Variants in CCDC91 observed in about 807,000 individuals in gnomAD.
CCDC91 encodes coiled-coil domain containing 91, also known as coiled-coil domain-containing protein 91.
CCDC91 carries 48 observed loss-of-function variants against 63.2 expected under a neutral mutation model. The observed-to-expected ratio is 0.76, with a 90% CI of 0.60 to 0.97. CCDC91 has a LOEUF of 0.97. CCDC91 is among the 50% of genes least tolerant of loss of function. The probability of loss-of-function intolerance (pLI) is 0.00; values close to 1 mark genes in which losing one functional copy is unlikely to be tolerated. For missense variants in CCDC91, 500 were observed against 494.6 expected, an observed-to-expected ratio of 1.01 and a Z score of -0.10; for synonymous variants, 167 against 165.8, an observed-to-expected ratio of 1.01 and a Z score of -0.06.
chr12:28,322,291 A>G (rs543952957), intron 6 of CCDC91, among the ~76,000 whole-genome samples: 3 of 151,990 alleles, frequency 2.0e-5, no homozygotes, highest in African/African-American at 7.2e-5. Flanking sequence ...ATCTGAAGAA[A>G]AGCACCCTTC....
At chr12:28,288,144 C>T (rs530513634) in intron 3 of CCDC91, among the ~76,000 whole-genome samples, 51 of 152,190 alleles carry the variant, frequency 3.4e-4, no homozygotes, top group Non-Finnish European at 6.9e-4. Context: ...ATGTTGTCTG[C>T]AAGCAGGAAT....
intron 1 of CCDC91, among the ~76,000 whole-genome samples, chr12:28,232,761 A>G (rs1483643090): frequency 2.0e-5 from 3 of 152,090 alleles, no homozygotes; most frequent in Non-Finnish European, 4.4e-5. Context: ...TCTGTTACCA[A>G]CTAGCAATTT....
chr12:28,193,532 C>T (rs1383844953), intron 1 of CCDC91, among the ~76,000 whole-genome samples: 2 of 151,396 alleles, frequency 1.3e-5, no homozygotes, highest in South Asian at 2.1e-4. Flanking sequence ...ACCAGGGAGT[C>T]GGAGGTTACA....
At chr12:28,536,654 A>T (rs1942202902) in intron 12 of CCDC91, among the ~76,000 whole-genome samples, 1 of 152,190 alleles carries the variant, frequency 6.6e-6, no homozygotes, top group Non-Finnish European at 1.5e-5. Context: ...TGAGAAATAA[A>T]TGAGTTAGCA....
chr12:28,453,718 T>C (rs1173211389), intron 11 of CCDC91, among the ~76,000 whole-genome samples: 1 of 152,036 alleles, frequency 6.6e-6, no homozygotes, highest in African/African-American at 2.4e-5. Context: ...TAAATATATA[T>C]TGAGTACCTA....
intron 3 of CCDC91, among the ~76,000 whole-genome samples, chr12:28,304,210 C>T (rs1185981843): frequency 1.3e-5 from 2 of 151,170 alleles, no homozygotes; most frequent in Non-Finnish European, 1.5e-5. Context: ...AACCCCATCT[C>T]TACTAAAAAT....
chr12:28,356,661 A>G (rs562401334), intron 6 of CCDC91, among the ~76,000 whole-genome samples: 1 of 151,762 alleles, frequency 6.6e-6, no homozygotes, highest in East Asian at 1.9e-4. Flanking sequence ...ATATTGGAAA[A>G]CCTTTCTCAA....
chr12:28,369,645 T>C (rs545488087), intron 7 of CCDC91, among the ~76,000 whole-genome samples: 1 of 152,302 alleles, frequency 6.6e-6, no homozygotes, highest in East Asian at 1.9e-4. Flanking sequence ...ATTTTCCTTC[T>C]GCACTCCCCT....
At chr12:28,194,800 T>C (rs1411155008) in intron 1 of CCDC91, among the ~76,000 whole-genome samples, 1 of 151,814 alleles carries the variant, frequency 6.6e-6, no homozygotes, top group East Asian at 1.9e-4. Flanking sequence ...CTGTAGACCT[T>C]TGTGGTGGGT....
chr12:28,531,343 A>T (rs1446000382), intron 12 of CCDC91, among the ~76,000 whole-genome samples: 4 of 152,202 alleles, frequency 2.6e-5, no homozygotes, highest in Non-Finnish European at 5.9e-5. Context: ...TCGACAAATT[A>T]TCAAAATTTT....
chr12:28,401,832 T>G (rs1354897466), intron 8 of CCDC91, among the ~76,000 whole-genome samples: 1 of 152,244 alleles, frequency 6.6e-6, no homozygotes, highest in African/African-American at 2.4e-5. Flanking sequence ...TTTTTTCTTG[T>G]ATCAAAAGAA....
At chr12:28,541,225 A>G (rs556469464) in intron 12 of CCDC91, among the ~76,000 whole-genome samples, 154 of 152,302 alleles carry the variant, frequency 1.0e-3, no homozygotes, top group African/African-American at 3.3e-3. Flanking sequence ...ACCAATCAAC[A>G]AGTATTAACA....
intron 6 of CCDC91, among the ~76,000 whole-genome samples, chr12:28,309,586 C>T (rs1181268000): frequency 6.6e-6 from 1 of 151,976 alleles, no homozygotes; most frequent in Non-Finnish European, 1.5e-5. Flanking sequence ...AGTTAACACT[C>T]CATTGTTAAA....
At chr12:28,539,499 G>C (rs1327139850) in intron 12 of CCDC91, among the ~76,000 whole-genome samples, 1 of 152,096 alleles carries the variant, frequency 6.6e-6, no homozygotes, top group Non-Finnish European at 1.5e-5. Context: ...ATGCTGTTTT[G>C]GTTACTGTAG....
intron 12 of CCDC91, among the ~76,000 whole-genome samples, chr12:28,548,103 C>A (rs1365847717): frequency 6.6e-6 from 1 of 152,014 alleles, no homozygotes; most frequent in Non-Finnish European, 1.5e-5. Context: ...GTTTACCATC[C>A]AGAGAGTTCT....
chr12:28,439,535 C>T (rs1300437543), intron 8 of CCDC91, among the ~76,000 whole-genome samples: 1 of 152,052 alleles, frequency 6.6e-6, no homozygotes, highest in East Asian at 1.9e-4. Flanking sequence ...CCCCTCCACA[C>T]ACAATACACA....
chr12:28,376,269 G>A (rs1200486842), intron 7 of CCDC91, among the ~76,000 whole-genome samples: 1 of 151,480 alleles, frequency 6.6e-6, no homozygotes, highest in Non-Finnish European at 1.5e-5. Flanking sequence ...AGTCTCTTAA[G>A]GTTTTGTGGG....
chr12:28,453,569 C>T (rs1949917876), intron 11 of CCDC91, among the ~76,000 whole-genome samples: 1 of 151,938 alleles, frequency 6.6e-6, no homozygotes, highest in South Asian at 2.1e-4. Context: ...CACACAGTTA[C>T]CCATTTATTA....
At chr12:28,222,135 C>A (rs1355552161) in intron 1 of CCDC91, among the ~76,000 whole-genome samples, 1 of 152,146 alleles carries the variant, frequency 6.6e-6, no homozygotes, top group Non-Finnish European at 1.5e-5. Context: ...ATCTATTGTT[C>A]ATTTTTCTAG....
Sources: allele counts gnomAD v4.1 joint callset (sites outside exome capture counted in the v4.1 genomes callset), GRCh38; gene constraint gnomAD v4.1.1; transcripts MANE v1.5; gene names NCBI Gene and HGNC (gene_info 2026-07-23, HGNC 2026-07-21).